B3GLCT: variants seen among roughly 807,000 people sequenced by gnomAD.
B3GLCT encodes beta 3-glucosyltransferase, also known as beta-1,3-glucosyltransferase.
In B3GLCT, 65 loss-of-function variants were observed where a neutral mutation model predicts 63.4. The observed-to-expected ratio is 1.03, with a 90% CI of 0.84 to 1.26. The LOEUF is 1.26. Among genes scored for constraint, B3GLCT ranks in the 50% most tolerant of loss-of-function variants. The probability of loss-of-function intolerance (pLI) is 0.00; values close to 1 mark genes in which losing one functional copy is unlikely to be tolerated. For synonymous variants in B3GLCT, 233 were observed against 219.2 expected (o/e 1.06, Z -0.55); for missense variants, 577 against 604.8 (o/e 0.95, Z 0.48).
intron 4 of B3GLCT, among the ~76,000 whole-genome samples, chr13:31,244,262 C>T (rs906881482): frequency 1.1e-4 from 17 of 152,118 alleles, no homozygotes; most frequent in African/African-American, 2.9e-4. Context: ...GAGGCCGAGG[C>T]GGGTGGATCA....
chr13:31,241,170 T>G (rs933355663), intron 4 of B3GLCT, among the ~76,000 whole-genome samples: 2 of 152,338 alleles, frequency 1.3e-5, no homozygotes, highest in East Asian at 1.9e-4. Flanking sequence ...TTTGAACCCC[T>G]TTGCTTCCTG....
chr13:31,249,626 T>C (rs1288707912), intron 6 of B3GLCT, among the ~76,000 whole-genome samples: 1 of 152,138 alleles, frequency 6.6e-6, no homozygotes, highest in Non-Finnish European at 1.5e-5. Context: ...ATTGGGATGA[T>C]AAATTTAAAA....
chr13:31,220,446 G>A (rs375305194), intron 2 of B3GLCT, among the ~76,000 whole-genome samples: 70 of 152,278 alleles, frequency 4.6e-4, no homozygotes, highest in African/African-American at 1.6e-3. Context: ...CCTTGACAGT[G>A]AGCACATTTT....
At chr13:31,233,698 G>A (rs1396130388) in intron 4 of B3GLCT, among the ~76,000 whole-genome samples, 1 of 152,168 alleles carries the variant, frequency 6.6e-6, no homozygotes, top group East Asian at 1.9e-4. Flanking sequence ...CTTGGGCTGG[G>A]AAGTGTAATG....
intron 12 of B3GLCT, chr13:31,312,658 G>A (rs1223135884): frequency 1.3e-5 from 2 of 152,186 alleles, no homozygotes; most frequent in Non-Finnish European, 2.9e-5. Flanking sequence ...AGAGAATAAA[G>A]TTGCTTCAAT....
At chr13:31,318,508 G>A (rs1023278268) in intron 13 of B3GLCT, among the ~76,000 whole-genome samples, 1 of 152,180 alleles carries the variant, frequency 6.6e-6, no homozygotes, top group Non-Finnish European at 1.5e-5. Flanking sequence ...CAGTGGTGAA[G>A]ATAACACGGT....
At chr13:31,264,137 C>A (rs553505492) in intron 7 of B3GLCT, among the ~76,000 whole-genome samples, 1 of 152,162 alleles carries the variant, frequency 6.6e-6, no homozygotes, top group East Asian at 1.9e-4. Flanking sequence ...CTCCCCATGG[C>A]CTCATCACCT....
intron 7 of B3GLCT, among the ~76,000 whole-genome samples, chr13:31,267,821 T>C (rs907353788): frequency 2.6e-5 from 4 of 151,998 alleles, no homozygotes; most frequent in African/African-American, 9.7e-5. Flanking sequence ...CTAGTATTTT[T>C]CCTTTTTCTT....
chr13:31,329,435 A>G (rs974768298), intron 14 of B3GLCT, 66 bp from the exon 15 acceptor site: 36 of 1,578,258 alleles, frequency 2.3e-5, no homozygotes, highest in Non-Finnish European at 3.0e-5. Flanking sequence ...TATAAATTCA[A>G]ATGCTCTTCT....
chr13:31,202,157 T>C (rs1268457764), intron 1 of B3GLCT, among the ~76,000 whole-genome samples: 1 of 152,238 alleles, frequency 6.6e-6, no homozygotes. Flanking sequence ...CCTTAAATAT[T>C]CCCATATAAG....
intron 7 of B3GLCT, among the ~76,000 whole-genome samples, chr13:31,267,961 C>T (rs2137843645): frequency 6.6e-6 from 1 of 152,058 alleles, no homozygotes; most frequent in East Asian, 1.9e-4. Flanking sequence ...CCACCTCAGC[C>T]TTCTGAGTAG....
chr13:31,261,410 T>G (rs778080443), intron 7 of B3GLCT, among the ~76,000 whole-genome samples: 16 of 152,220 alleles, frequency 1.1e-4, no homozygotes, highest in Non-Finnish European at 2.2e-4. Context: ...AGGGATCTAC[T>G]TAGCTATAGG....
At chr13:31,212,901 A>G (rs1414283173) in intron 1 of B3GLCT, among the ~76,000 whole-genome samples, 3 of 152,224 alleles carry the variant, frequency 2.0e-5, no homozygotes, top group African/African-American at 4.8e-5. Context: ...AAATGTGCAT[A>G]TTAGCTTAGA....
At chr13:31,214,931 A>T in intron 1 of B3GLCT, 120 bp from the exon 2 acceptor site, 1 of 993,342 alleles carries the variant, frequency 1.0e-6, no homozygotes, top group Non-Finnish European at 1.5e-6. Context: ...CTGCTTAAAA[A>T]TGAGCAAAAT....
chr13:31,236,643 TCCATAGTGAG>T (rs1165998220), intron 4 of B3GLCT, among the ~76,000 whole-genome samples: 4 of 152,208 alleles, frequency 2.6e-5, no homozygotes, highest in Non-Finnish European at 4.4e-5. Flanking sequence ...GGTCACAAGA[TCCATAGTGAG>T]CTGTTACAGC....
intron 13 of B3GLCT, among the ~76,000 whole-genome samples, chr13:31,320,384 C>A (rs1875274946): frequency 6.6e-6 from 1 of 152,106 alleles, no homozygotes; most frequent in South Asian, 2.1e-4. Context: ...GGCCCGAAAG[C>A]CCAAGAAAAG....
At chr13:31,260,080 C>T (rs1871951531) in intron 6 of B3GLCT, among the ~76,000 whole-genome samples, 1 of 152,136 alleles carries the variant, frequency 6.6e-6, no homozygotes, top group African/African-American at 2.4e-5. Flanking sequence ...CAGCCTTTTG[C>T]CTGTCTCTTT....
chr13:31,316,026 T>G (rs1222020921), intron 12 of B3GLCT, among the ~76,000 whole-genome samples: 2 of 152,116 alleles, frequency 1.3e-5, no homozygotes, highest in African/African-American at 4.8e-5. Context: ...CTGCCTAGAT[T>G]TCAGAGAATG....
chr13:31,247,997 T>A, intron 6 of B3GLCT, 31 bp downstream of exon 6: 1 of 1,193,272 alleles, frequency 8.4e-7, no homozygotes, highest in South Asian at 1.2e-5. Context: ...AGTTCTTATT[T>A]TGGGGGACAG....
Sources: gnomAD v4.1 joint callset for allele counts (sites outside exome capture counted in the v4.1 genomes callset) on GRCh38, gnomAD v4.1.1 for gene constraint, MANE v1.5 for transcripts, NCBI Gene and HGNC (gene_info 2026-07-23, HGNC 2026-07-21) for gene names.